The following ATP8A1 variants were observed in gnomAD, a reference collection of about 807,000 sequenced individuals.
The protein encoded by ATP8A1 is phospholipid-transporting ATPase IA.
In ATP8A1, 90 loss-of-function variants were observed where a neutral mutation model predicts 177.7. That is an observed-to-expected ratio of 0.51 (90% CI 0.43 to 0.60). ATP8A1 has a LOEUF of 0.60. Among genes scored for constraint, ATP8A1 ranks in the 20% least tolerant of loss-of-function variants. ATP8A1 has a pLI of 0.00. For synonymous variants in ATP8A1, 493 were observed against 485.9 expected, an observed-to-expected ratio of 1.01 and a Z score of -0.19; for missense variants, 1,072 against 1,392.8, an observed-to-expected ratio of 0.77 and a Z score of 3.67.
intron 23 of ATP8A1, among the ~76,000 whole-genome samples, chr4:42,506,656 G>A (rs76069960): frequency 6.6e-6 from 1 of 152,138 alleles, no homozygotes; most frequent in East Asian, 1.9e-4. Flanking sequence ...CCAGTGTGTG[G>A]TACGCTCTTA....
rs1380747539 is a variant in ATP8A1, at chr4:42,625,605, T to C, written c.264+9A>G. ...GAACATTTGACAAGGTTTTATGACG[T>C]GACTTTACCTGCAGCAGTGCAATAA... On this transcript the variant is annotated intron_variant, in intron 3 of 36. Coordinates refer to ENST00000381668, the MANE Select transcript of ATP8A1 (RefSeq NM_006095.2). 1 of 1,566,364 alleles carries C rather than the reference T, an allele frequency of 6.4e-7. No homozygotes were observed. The highest frequency in any genetic ancestry group is 1.2e-5 in the South Asian group (1 of 86,118).
At chr4:42,608,957 G>A (rs1483936308) in intron 5 of ATP8A1, among the ~76,000 whole-genome samples, 4 of 152,170 alleles carry the variant, frequency 2.6e-5, no homozygotes, top group Non-Finnish European at 5.9e-5. Context: ...AACTGACATG[G>A]CACAGGAAGA....
intron 20 of ATP8A1, among the ~76,000 whole-genome samples, chr4:42,539,996 G>A (rs1424168404): frequency 1.3e-5 from 2 of 152,102 alleles, no homozygotes; most frequent in Non-Finnish European, 2.9e-5. Context: ...AATCAACAGA[G>A]TGAAGAGAAT....
intron 19 of ATP8A1, among the ~76,000 whole-genome samples, chr4:42,544,791 G>T (rs561563884): frequency 5.8e-4 from 89 of 152,276 alleles, no homozygotes; most frequent in African/African-American, 1.9e-3. Flanking sequence ...AAACTGAGAT[G>T]AGTTCAATAT....
At position 42,412,642 on chromosome 4, in the gene ATP8A1, AG is replaced by A. The variant is rs1712745896; in HGVS notation, c.*273del. 1 of 308,380 alleles carries A rather than the reference AG, an allele frequency of 3.2e-6. No homozygotes were observed. The highest frequency in any genetic ancestry group is 2.2e-5 in the African/African-American group (1 of 46,058). 19.1% of individuals were successfully genotyped at this position (308,380 alleles called of 1,614,324 possible). A position where few individuals can be genotyped will look rare whatever the true frequency, so the allele number is the denominator to read the frequency against. ...AGAATACTGACTTATTCTCCGTTTA[AG>A]AAAGCCCTCTGGCAAGATACCAGGT... On this transcript the variant is annotated 3_prime_UTR_variant, in exon 37 of 37. Coordinates refer to ENST00000381668, the MANE Select transcript of ATP8A1 (RefSeq NM_006095.2).
chr4:42,627,483 A>C (rs548036471), intron 1 of ATP8A1, among the ~76,000 whole-genome samples: 20 of 152,366 alleles, frequency 1.3e-4, no homozygotes, highest in Non-Finnish European at 2.2e-4. Flanking sequence ...ATATAGTCAA[A>C]AATTAAAGCA....
chr4:42,632,744 C>T (rs922282964), intron 1 of ATP8A1, among the ~76,000 whole-genome samples: 1 of 152,186 alleles, frequency 6.6e-6, no homozygotes, highest in Admixed American at 6.5e-5. Flanking sequence ...CTCATCTTCC[C>T]CGAACAGTGT....
At chr4:42,611,975 T>G (rs534949420) in intron 5 of ATP8A1, among the ~76,000 whole-genome samples, 1 of 152,286 alleles carries the variant, frequency 6.6e-6, no homozygotes, top group Middle Eastern at 3.4e-3. Flanking sequence ...TAAGGTTAGA[T>G]ACAAGGAAAA....
chr4:42,488,809 C>T (rs1039138798), intron 24 of ATP8A1, among the ~76,000 whole-genome samples: 1 of 152,140 alleles, frequency 6.6e-6, no homozygotes, highest in African/African-American at 2.4e-5. Flanking sequence ...GTTCAGTCCA[C>T]GCTACCAAGT....
chr4:42,476,390 G>A (rs1182924617), intron 25 of ATP8A1, among the ~76,000 whole-genome samples: 4 of 151,944 alleles, frequency 2.6e-5, no homozygotes, highest in Admixed American at 2.0e-4. Context: ...AGGCTGAGTC[G>A]GGCGGATCTC....
chr4:42,555,410 AT>A (rs2153213130), intron 16 of ATP8A1, among the ~76,000 whole-genome samples: 1 of 152,118 alleles, frequency 6.6e-6, no homozygotes, highest in Admixed American at 6.5e-5. Flanking sequence ...ATCATTTAAA[AT>A]GAAACAATTT....
At chr4:42,521,446 C>T (rs529395593) in intron 22 of ATP8A1, among the ~76,000 whole-genome samples, 1 of 152,282 alleles carries the variant, frequency 6.6e-6, no homozygotes, top group South Asian at 2.1e-4. Context: ...CAGCACCTGG[C>T]ACACGGCAAG....
intron 35 of ATP8A1, chr4:42,414,961 T>C: frequency 8.4e-6 from 4 of 477,420 alleles, no homozygotes; most frequent in South Asian, 5.2e-5. Context: ...CAGTAAAAAG[T>C]AGGATCTCCT....
intron 20 of ATP8A1, among the ~76,000 whole-genome samples, chr4:42,527,989 A>G (rs1341565930): frequency 6.6e-6 from 1 of 152,084 alleles, no homozygotes; most frequent in Non-Finnish European, 1.5e-5. Flanking sequence ...GGAAAGGGAA[A>G]TGATCAGACA....
Position 42,524,849 on chromosome 4 carries a change from TG to T in ATP8A1, c.1723-3del, listed in dbSNP as rs770390372. 2 of 1,595,156 alleles carry T rather than the reference TG, an allele frequency of 1.3e-6. No homozygotes were observed. The highest frequency in any genetic ancestry group is 2.3e-5 in the South Asian group (2 of 88,508). On this transcript the variant is annotated splice_region_variant and splice_polypyrimidine_tract_variant and intron_variant, in intron 20 of 36. Coordinates refer to ENST00000381668, the MANE Select transcript of ATP8A1 (RefSeq NM_006095.2). The stretch of plus-strand genomic sequence containing the variant: ...CAGTCGATCATAAATTACAGTGTCC[TG>T]GAAAACAAACAGAGGGTAAAATGAT...
intron 35 of ATP8A1, among the ~76,000 whole-genome samples, chr4:42,415,669 C>T (rs1443917482): frequency 1.3e-5 from 2 of 152,160 alleles, no homozygotes; most frequent in Non-Finnish European, 2.9e-5. Context: ...AATGTTTATG[C>T]AATTTTAATA....
At chr4:42,444,491 C>G in intron 32 of ATP8A1, 87 bp downstream of exon 32, 1 of 1,291,106 alleles carries the variant, frequency 7.7e-7, no homozygotes, top group East Asian at 2.4e-5. Context: ...TGGGACATAT[C>G]AAGTTAGAGT....
intron 35 of ATP8A1, among the ~76,000 whole-genome samples, chr4:42,418,238 A>C (rs952053575): frequency 6.6e-6 from 1 of 152,192 alleles, no homozygotes; most frequent in Non-Finnish European, 1.5e-5. Context: ...AGTGCCAGGC[A>C]AATCAGTGAG....
intron 5 of ATP8A1, among the ~76,000 whole-genome samples, chr4:42,600,986 AT>A (rs200201424): frequency 0.011 from 1,637 of 151,864 alleles, 27 homozygotes; most frequent in African/African-American, 0.037. Flanking sequence ...GTTTATATTA[AT>A]GCAAAAAAAC....
Sources: allele counts gnomAD v4.1 joint callset (sites outside exome capture counted in the v4.1 genomes callset), GRCh38; gene constraint gnomAD v4.1.1; transcripts MANE v1.5; gene names NCBI Gene and HGNC (gene_info 2026-07-23, HGNC 2026-07-21).